DNAJC4: variants seen among roughly 807,000 people sequenced by gnomAD.
DNAJC4 encodes DnaJ heat shock protein family (Hsp40) member C4, also known as dnaJ homolog subfamily C member 4.
DNAJC4 carries 26 observed loss-of-function variants against 26.8 expected under a neutral mutation model. That is an observed-to-expected ratio of 0.97 (90% CI 0.71 to 1.34). The LOEUF is 1.34. DNAJC4 is among the 40% of genes most tolerant of loss of function. The pLI, the probability that DNAJC4 is intolerant of heterozygous loss-of-function variation, is 0.00. For missense variants in DNAJC4, 342 were observed against 321.1 expected (o/e 1.07, Z -0.50); for synonymous variants, 134 against 127.8 (o/e 1.05, Z -0.33).
intron 1 of DNAJC4, 41 bp downstream of exon 1, chr11:64,230,981 T>A: frequency 7.8e-6 from 12 of 1,535,334 alleles, no homozygotes; most frequent in Non-Finnish European, 1.0e-5. Flanking sequence ...GTTCAATGGG[T>A]TTCTGTTTGC....
intron 4 of DNAJC4, chr11:64,233,693 A>G (rs1947207178): frequency 1.4e-5 from 9 of 649,778 alleles, no homozygotes; most frequent in East Asian, 2.7e-5. Flanking sequence ...CAAAGTGACC[A>G]GGGACTTCGG....
intron 4 of DNAJC4, 136 bp from the exon 5 acceptor site, chr11:64,233,758 C>T: frequency 8.4e-7 from 1 of 1,196,242 alleles, no homozygotes; most frequent in Non-Finnish European, 1.2e-6. Flanking sequence ...CTATCTATCA[C>T]AGGAAGGGTT....
chr11:64,232,968 G>C, intron 4 of DNAJC4, 103 bp downstream of exon 4: 1 of 1,352,754 alleles, frequency 7.4e-7, no homozygotes, highest in Non-Finnish European at 9.7e-7. Flanking sequence ...CCGTACTCTT[G>C]TGTCTCTCAA....
At chr11:64,231,353 T>TC (rs1315236341) in intron 1 of DNAJC4, 1 of 241,088 alleles carries the variant, frequency 4.1e-6, no homozygotes, top group Non-Finnish European at 8.2e-6. Flanking sequence ...TTTTTTTTTT[T>TC]TTTTTTTGAG....
rs185890197 is a variant in DNAJC4, at chr11:64,234,044, C to T, written c.615-29C>T. The T allele has an allele frequency of 1.2e-6, 2 of 1,613,794 alleles. No homozygotes were observed. Among genetic ancestry groups the T allele is most frequent in the East Asian group, 4.5e-5 (2 of 44,872 alleles). On this transcript the variant is annotated intron_variant, in intron 5 of 5. Coordinates refer to ENST00000628077, the MANE Select transcript of DNAJC4 (RefSeq NM_005528.4). This position sits in a 1 kb window ranked among gnomAD's most constrained non-coding sequence, Gnocchi z 5.3. The stretch of plus-strand genomic sequence containing the variant: ...AGGAACCACACTTCGGGATCCCTAT[C>T]CCAACCACCCAGGTGCCCTCTCCTC...
chr11:64,233,101 G>T, intron 4 of DNAJC4: 1 of 424,836 alleles, frequency 2.4e-6, no homozygotes, highest in Admixed American at 4.4e-5. Flanking sequence ...TTTCATGCTG[G>T]CTGCCAGGAA....
At chr11:64,230,966 C>G (rs773321228) in intron 1 of DNAJC4, 26 bp downstream of exon 1, 1 of 1,538,122 alleles carries the variant, frequency 6.5e-7, no homozygotes, top group Non-Finnish European at 8.7e-7. Context: ...GGGGCCGGCC[C>G]GGTTGTTCAA....
chr11:64,234,163 G>A lies in DNAJC4; in HGVS notation c.705G>A (p.Val235=). 1 of 1,573,414 alleles carries A rather than the reference G, an allele frequency of 6.4e-7. No homozygotes were observed. The highest frequency in any genetic ancestry group is 1.1e-5 in the South Asian group (1 of 87,608). The change falls in exon 6 of 6, where the codon GTG becomes GTA. Residue 235 remains valine (V), a synonymous_variant. Coordinates refer to ENST00000628077, the MANE Select transcript of DNAJC4 (RefSeq NM_005528.4). The surrounding 1 kb of genome is among the most constrained non-coding windows in gnomAD (Gnocchi z 5.3). ...PSEPTQGPEI[V]PRGAGP ...AGCCAACCCAAGGCCCCGAGATCGT[G>A]CCCCGGGGCGCCGGCCCCTGAGGGG...
In DNAJC4 at chr11:64,232,719, C is replaced by G; in HGVS notation, c.381C>G (p.Pro127=). Residue 127 remains proline, a synonymous_variant, in exon 4 of 6, where the codon CCC becomes CCG. Transcript: ENST00000628077. ...CTCCCAGCAGCTCCTGGACACCCCC[C>G]AACGCACAGTACTGGTCCCAGTTTC... The part of the protein sequence containing the change: ...AHQTHSSWTP[P]NAQYWSQFHS... The G allele has an allele frequency of 6.3e-7, 1 of 1,598,832 alleles. No homozygotes were observed. Among genetic ancestry groups the G allele is most frequent in the South Asian group, 1.1e-5 (1 of 89,724 alleles).
upstream of DNAJC4, chr11:64,230,493 G>A (rs1034149230): frequency 1.1e-5 from 6 of 561,398 alleles, no homozygotes; most frequent in Non-Finnish European, 2.0e-5. Flanking sequence ...AATAGACGCA[G>A]GAAATGGCGA....
chr11:64,232,051 C>A, intron 2 of DNAJC4, 87 bp downstream of exon 2: 1 of 1,401,876 alleles, frequency 7.1e-7, no homozygotes, highest in Non-Finnish European at 1.0e-6. Flanking sequence ...AGACCAGCAT[C>A]TCTGGCGGGT....
At position 64,232,879 on chromosome 11, in the gene DNAJC4, TC is replaced by T. The variant is rs778829918; in HGVS notation, c.527+18del. On this transcript the variant is annotated intron_variant, in intron 4 of 5. Coordinates refer to ENST00000628077, the MANE Select transcript of DNAJC4 (RefSeq NM_005528.4). ...CATTGCCTTCAGGTGATGCCTGTTCTCCCCGGGGTGATGGGCAGAGGGCAGG... is the reference window on the plus strand; with the variant it reads ...CATTGCCTTCAGGTGATGCCTGTTCTCCCGGGGTGATGGGCAGAGGGCAGG... 3 of 1,556,544 alleles carry T rather than the reference TC, an allele frequency of 1.9e-6. No individual in the cohort carries two copies. In the African/African-American group the frequency reaches 4.1e-5, roughly 21 times the overall value.
chr11:64,231,223 G>C, intron 1 of DNAJC4: 1 of 558,660 alleles, frequency 1.8e-6, no homozygotes, highest in Non-Finnish European at 3.3e-6. Flanking sequence ...CCCTCTGTGG[G>C]GGGTGGGAGA....
chr11:64,232,060 G>A (rs1461728758), intron 2 of DNAJC4, 96 bp downstream of exon 2: 11 of 1,292,126 alleles, frequency 8.5e-6, no homozygotes, highest in Non-Finnish European at 2.2e-6. Flanking sequence ...TCTCTGGCGG[G>A]TGCCACATTT....
chr11:64,234,166 C>T lies in DNAJC4; in HGVS notation c.708C>T (p.Pro236=), dbSNP rs764035719. ...CAACCCAAGGCCCCGAGATCGTGCC[C>T]CGGGGCGCCGGCCCCTGAGGGGCTC... The part of the protein sequence containing the change: ...SEPTQGPEIV[P]RGAGP Residue 236 remains proline, a synonymous_variant, in exon 6 of 6, where the codon CCC becomes CCT. Coordinates refer to ENST00000628077, the MANE Select transcript of DNAJC4 (RefSeq NM_005528.4). This position sits in a 1 kb window ranked among gnomAD's most constrained non-coding sequence, Gnocchi z 5.3. 8 of 1,571,100 alleles carry T rather than the reference C, an allele frequency of 5.1e-6. No homozygotes were observed. The Admixed American group carries it at 9.3e-5, about 18-fold the overall frequency.
chr11:64,234,012 C>T lies in DNAJC4; in HGVS notation c.614+32C>T. Reference sequence around the variant, plus strand: ...CCCTGCTCTATTCTGCTCCCTGCTCCCTGTCCAGGAACCACACTTCGGGAT... The same window carrying T: ...CCCTGCTCTATTCTGCTCCCTGCTCTCTGTCCAGGAACCACACTTCGGGAT... On this transcript the variant is annotated intron_variant, in intron 5 of 5. Coordinates refer to ENST00000628077, the MANE Select transcript of DNAJC4 (RefSeq NM_005528.4). The surrounding 1 kb of genome is among the most constrained non-coding windows in gnomAD (Gnocchi z 5.3). 6.2e-7 allele frequency: 1 copy of T among 1,614,064 alleles called. No individual in the cohort carries two copies. The highest frequency in any genetic ancestry group is 8.5e-7 in the Non-Finnish European group (1 of 1,180,026).
In DNAJC4 at chr11:64,233,974, G is replaced by T; in HGVS notation, c.608G>T (p.Arg203Leu). 6.2e-7 allele frequency: 1 copy of T among 1,614,022 alleles called. No homozygotes were observed. Among genetic ancestry groups the T allele is most frequent in the South Asian group, 1.1e-5 (1 of 91,080 alleles). Residue 203 changes from arginine (R) to leucine (L), a missense_variant, in exon 5 of 6, where the codon CGG becomes CTG. Transcript: ENST00000628077. ...GCCTTCTACAACGAAGCCCGGGCAC[G>T]GGCCAGGTCTGTCCCTGCTCTATTC... ...ITAFYNEARA[R>L]ARANRGILQQ...
chr11:64,233,910 C>T lies in DNAJC4; in HGVS notation c.544C>T (p.His182Tyr). ...YIAFRKVKQM[H>Y]LNFMDEKDRI... is the part of the protein sequence containing the mutation. Reference sequence around the variant, plus strand: ...CCATTGCAGGAAGGTGAAGCAGATGCACCTTAACTTCATGGATGAAAAGGA... The same window carrying T: ...CCATTGCAGGAAGGTGAAGCAGATGTACCTTAACTTCATGGATGAAAAGGA... The change falls in exon 5 of 6, where the codon CAC becomes TAC. Residue 182 changes from histidine to tyrosine, a missense_variant. Coordinates refer to ENST00000628077, the MANE Select transcript of DNAJC4 (RefSeq NM_005528.4). 1 of 1,613,812 alleles carries T rather than the reference C, an allele frequency of 6.2e-7. No homozygotes were observed. The highest frequency in any genetic ancestry group is 8.5e-7 in the Non-Finnish European group (1 of 1,179,794).
rs1947214127 is a variant in DNAJC4, at chr11:64,234,105, A to G, written c.647A>G (p.Gln216Arg). 6.2e-7 allele frequency: 1 copy of G among 1,608,570 alleles called. No homozygotes were observed. The highest frequency in any genetic ancestry group is 1.7e-5 in the Admixed American group (1 of 59,228). Residue 216 changes from glutamine (Q) to arginine (R), a missense_variant, in exon 6 of 6, where the codon CAA becomes CGA. Transcript: ENST00000628077. This position sits in a 1 kb window ranked among gnomAD's most constrained non-coding sequence, Gnocchi z 5.3. The part of the protein sequence containing the change: ...ANRGILQQER[Q>R]RLGQRQPPPS... The stretch of plus-strand genomic sequence containing the variant: ...AGAGGCATCCTTCAGCAGGAGCGAC[A>G]ACGGCTAGGGCAGCGGCAGCCGCCA...
Sources: allele counts gnomAD v4.1 joint callset, GRCh38; gene constraint gnomAD v4.1.1; non-coding constraint Gnocchi (gnomAD v3.1); transcripts MANE v1.5; gene names NCBI Gene and HGNC (gene_info 2026-07-23, HGNC 2026-07-21).